SH2D4B: variants seen among roughly 807,000 people sequenced by gnomAD.
The protein encoded by SH2D4B is SH2 domain-containing protein 4B.
In SH2D4B, 45 loss-of-function variants were observed where a neutral mutation model predicts 61.5. The ratio of observed to expected loss-of-function variants is 0.73; its 90% CI spans 0.58 to 0.94. SH2D4B has a LOEUF of 0.94. Ranked by LOEUF, SH2D4B falls within the 40% of genes least tolerant of loss-of-function variation. SH2D4B has a pLI of 0.00. For missense variants in SH2D4B, 572 were observed against 574.2 expected (o/e 1.00, Z 0.04); for synonymous variants, 224 against 220.4 (o/e 1.02, Z -0.14).
chr10:80,572,010 G>A (rs2132119138), intron 3 of SH2D4B, among the ~76,000 whole-genome samples: 1 of 152,118 alleles, frequency 6.6e-6, no homozygotes, highest in South Asian at 2.1e-4. Flanking sequence ...CTGACCTCGT[G>A]ATCCGCCCGC....
intron 1 of SH2D4B, among the ~76,000 whole-genome samples, chr10:80,547,750 G>A (rs1038049040): frequency 2.6e-5 from 4 of 152,140 alleles, no homozygotes; most frequent in African/African-American, 9.7e-5. Context: ...GAGAAAATGA[G>A]GTGTCTAGGG....
At chr10:80,562,662 A>G (rs1262034021) in intron 1 of SH2D4B, among the ~76,000 whole-genome samples, 12 of 152,178 alleles carry the variant, frequency 7.9e-5, no homozygotes, top group East Asian at 1.9e-4. Context: ...ACTGGATCAT[A>G]GGATACTTCA....
chr10:80,594,908 T>G (rs1842369282), intron 4 of SH2D4B, among the ~76,000 whole-genome samples: 1 of 152,168 alleles, frequency 6.6e-6, no homozygotes, highest in African/African-American at 2.4e-5. Flanking sequence ...GGGCCATAAC[T>G]GGGCAGTTGG....
intron 3 of SH2D4B, 91 bp from the exon 4 acceptor site, chr10:80,588,539 C>G: frequency 6.6e-7 from 1 of 1,523,646 alleles, no homozygotes; most frequent in Non-Finnish European, 8.9e-7. Flanking sequence ...ACTCTCAGCC[C>G]CATCCACTGC....
Position 80,644,705 on chromosome 10 carries a change from C to G in SH2D4B, c.*620C>G, listed in dbSNP as rs1840366368. Reference sequence around the variant, plus strand: ...CAGCTGATTGACACCGTCCTGCCTTCCTTATTTAACCTCTTCTTTTGCCAC... The same window carrying G: ...CAGCTGATTGACACCGTCCTGCCTTGCTTATTTAACCTCTTCTTTTGCCAC... On this transcript the variant is annotated 3_prime_UTR_variant, in exon 8 of 8. Coordinates refer to ENST00000646907, the MANE Select transcript of SH2D4B (RefSeq NM_001388272.1). The G allele has an allele frequency of 6.6e-6, 1 of 152,242 alleles. No individual in the cohort carries two copies. The highest frequency in any genetic ancestry group is 2.4e-5 in the African/African-American group (1 of 41,440). The allele number at this position is 152,242 out of a possible 1,614,324, so 9.4% of individuals were successfully genotyped here.
At position 80,539,712 on chromosome 10, in the gene SH2D4B, C is replaced by T. The variant is rs577637202; in HGVS notation, c.184+1197C>T. Among the ~76,000 whole-genome samples the T allele has an allele frequency of 2.6e-5, 4 of 152,278 alleles. No individual in the cohort carries two copies. Among genetic ancestry groups the T allele is most frequent in the East Asian group, 3.9e-4 (2 of 5,178 alleles). ...CCCTGTCATTGTCATTCCTCATCTG[C>T]TTGCCTGGCTCTCCGATGGGCTCAA... is the stretch of plus-strand genomic sequence containing the variant. On this transcript the variant is annotated intron_variant, in intron 1 of 7. Coordinates refer to ENST00000646907, the MANE Select transcript of SH2D4B (RefSeq NM_001388272.1). This position sits in a 1 kb window ranked among gnomAD's most constrained non-coding sequence, Gnocchi z 4.9.
chr10:80,547,622 T>A (rs1841699727), intron 1 of SH2D4B, among the ~76,000 whole-genome samples: 1 of 152,184 alleles, frequency 6.6e-6, no homozygotes, highest in Non-Finnish European at 1.5e-5. Flanking sequence ...TGTCTCTTCG[T>A]GATGTTTATT....
chr10:80,622,435 A>G (rs1219198219), intron 6 of SH2D4B, among the ~76,000 whole-genome samples: 1 of 152,242 alleles, frequency 6.6e-6, no homozygotes. Context: ...GAGGGCCAGG[A>G]AAGTATTTCT....
At chr10:80,549,244 T>TGTGA (rs1564765455) in intron 1 of SH2D4B, among the ~76,000 whole-genome samples, 176 of 151,452 alleles carry the variant, frequency 1.2e-3, no homozygotes, top group Middle Eastern at 0.01. Flanking sequence ...TGTGTGTGTG[T>TGTGA]GAGTTTGGCA....
At chr10:80,568,465 G>C (rs1411840278) in intron 1 of SH2D4B, among the ~76,000 whole-genome samples, 1 of 152,138 alleles carries the variant, frequency 6.6e-6, no homozygotes, top group East Asian at 1.9e-4. Flanking sequence ...CTGGGAAGCA[G>C]GGCCTTGGGC....
intron 6 of SH2D4B, among the ~76,000 whole-genome samples, chr10:80,627,950 G>A (rs1213713075): frequency 1.3e-5 from 2 of 152,138 alleles, no homozygotes; most frequent in Non-Finnish European, 2.9e-5. Flanking sequence ...CTGGAGCGTT[G>A]GCTGGTTAGG....
chr10:80,543,341 GC>G, intron 1 of SH2D4B, among the ~76,000 whole-genome samples: 1 of 152,156 alleles, frequency 6.6e-6, no homozygotes, highest in Non-Finnish European at 1.5e-5. Context: ...CGCACTCGGA[GC>G]GGCCGGCCAC....
chr10:80,544,809 C>T (rs181371759), intron 1 of SH2D4B, among the ~76,000 whole-genome samples: 10 of 152,334 alleles, frequency 6.6e-5, no homozygotes, highest in African/African-American at 2.2e-4. Flanking sequence ...CCCCCTGCCT[C>T]GATGGTTTTC....
intron 1 of SH2D4B, among the ~76,000 whole-genome samples, chr10:80,559,249 A>G (rs1420379834): frequency 3.7e-4 from 56 of 152,110 alleles, no homozygotes; most frequent in Admixed American, 3.6e-3. Context: ...TAATATCTCA[A>G]ATTGAAAATT....
chr10:80,558,187 T>C lies in SH2D4B; in HGVS notation c.185-11967T>C, dbSNP rs1036538033. ...TCATTGATTTCTAGATTTATTCCAC[T>C]GTGGTCAGAGAACATAACACACATG... On this transcript the variant is annotated intron_variant, in intron 1 of 7. Transcript: ENST00000646907. Among the ~76,000 whole-genome samples the C allele has an allele frequency of 5.9e-5, 9 of 152,302 alleles. No homozygotes were observed. In the East Asian group the frequency reaches 1.7e-3, roughly 29 times the overall value.
intron 6 of SH2D4B, among the ~76,000 whole-genome samples, chr10:80,633,886 G>A (rs931132471): frequency 6.6e-6 from 1 of 152,164 alleles, no homozygotes; most frequent in Non-Finnish European, 1.5e-5. Flanking sequence ...AGCCATTCTG[G>A]ACTAGTCTTT....
intron 7 of SH2D4B, among the ~76,000 whole-genome samples, chr10:80,640,335 G>T (rs376471021): frequency 1.3e-5 from 2 of 152,274 alleles, no homozygotes; most frequent in South Asian, 4.1e-4. Flanking sequence ...ATGTTGGCCT[G>T]CCTTGCTAGG....
intron 4 of SH2D4B, among the ~76,000 whole-genome samples, chr10:80,590,042 T>C (rs1056410886): frequency 6.6e-6 from 1 of 152,006 alleles, no homozygotes; most frequent in Non-Finnish European, 1.5e-5. Flanking sequence ...TACTCACAGG[T>C]CCCTAGAGAC....
At chr10:80,568,606 G>A (rs1340030622) in intron 1 of SH2D4B, among the ~76,000 whole-genome samples, 3 of 152,084 alleles carry the variant, frequency 2.0e-5, no homozygotes, top group Non-Finnish European at 2.9e-5. Flanking sequence ...TGTGCCCTTC[G>A]TCACTTTATT....
Sources: gnomAD v4.1 joint callset for allele counts (sites outside exome capture counted in the v4.1 genomes callset) on GRCh38, gnomAD v4.1.1 for gene constraint, Gnocchi (gnomAD v3.1) non-coding constraint, MANE v1.5 for transcripts, NCBI Gene and HGNC (gene_info 2026-07-23, HGNC 2026-07-21) for gene names.